KCNJ6: variants seen among roughly 807,000 people sequenced by gnomAD.
KCNJ6 encodes potassium inwardly rectifying channel subfamily J member 6.
Under a neutral mutation model 34.2 loss-of-function variants are expected in KCNJ6, and 9 were observed. That is an observed-to-expected ratio of 0.26 (90% CI 0.16 to 0.46). The LOEUF (loss-of-function observed/expected upper bound fraction) is 0.46. Ranked by LOEUF, KCNJ6 falls within the 20% of genes least tolerant of loss-of-function variation. The pLI is 1.00. For synonymous variants in KCNJ6, 196 were observed against 207.1 expected, an observed-to-expected ratio of 0.95 and a Z score of 0.46; for missense variants, 236 against 531.3, an observed-to-expected ratio of 0.44 and a Z score of 5.46.
chr21:37,729,326 C>T (rs922018719), intron 2 of KCNJ6, among the ~76,000 whole-genome samples: 20 of 118,360 alleles, frequency 1.7e-4, no homozygotes. Context: ...CCTGATTCTT[C>T]TTCTTTTTGG....
At chr21:37,636,746 A>G (rs1420837774) in intron 3 of KCNJ6, among the ~76,000 whole-genome samples, 1 of 152,234 alleles carries the variant, frequency 6.6e-6, no homozygotes, top group African/African-American at 2.4e-5. Flanking sequence ...GCAAAGCCCT[A>G]TTTTTAGATC....
At chr21:37,809,251 C>T (rs2055309195) in intron 2 of KCNJ6, among the ~76,000 whole-genome samples, 3 of 151,738 alleles carry the variant, frequency 2.0e-5, no homozygotes, top group Non-Finnish European at 2.9e-5. Context: ...TGGAAACCAT[C>T]ATTCTCAGCA....
intron 2 of KCNJ6, among the ~76,000 whole-genome samples, chr21:37,756,059 G>A (rs929272477): frequency 6.6e-6 from 1 of 152,208 alleles, no homozygotes; most frequent in Non-Finnish European, 1.5e-5. Flanking sequence ...GTGGATGGAT[G>A]GACGCTGACA....
At chr21:37,904,573 G>A (rs1264515143) in intron 1 of KCNJ6, among the ~76,000 whole-genome samples, 4 of 152,052 alleles carry the variant, frequency 2.6e-5, no homozygotes, top group Non-Finnish European at 1.5e-5. Context: ...TAAAGGTTAA[G>A]TTCCACATAA....
chr21:37,856,345 C>G (rs190343870), intron 1 of KCNJ6, among the ~76,000 whole-genome samples: 159 of 152,302 alleles, frequency 1.0e-3, no homozygotes, highest in African/African-American at 3.7e-3. Context: ...GCTCTTCCAC[C>G]AGGAAATCCT....
chr21:37,715,072 G>T lies in KCNJ6; in HGVS notation c.85C>A (p.Gln29Lys), dbSNP rs1264348650. 1.9e-6 allele frequency: 3 copies of T among 1,614,100 alleles called. No homozygotes were observed. Among genetic ancestry groups the T allele is most frequent in the African/African-American group, 2.7e-5 (2 of 74,954 alleles). ...CTGGCCTGCTTAGGCAACTTTGGCTGGTGAATGGCCACTGGGCTTTCGACG... is the reference window on the plus strand; with the variant it reads ...CTGGCCTGCTTAGGCAACTTTGGCTTGTGAATGGCCACTGGGCTTTCGACG... The part of the protein sequence containing the change: ...QDVESPVAIH[Q>K]PKLPKQARDD... The change falls in exon 3 of 4, where the codon CAG becomes AAG. Residue 29 changes from glutamine (Q) to lysine (K), a missense_variant. Transcript: ENST00000609713.
At chr21:37,848,985 T>C (rs1332572427) in intron 1 of KCNJ6, among the ~76,000 whole-genome samples, 3 of 152,196 alleles carry the variant, frequency 2.0e-5, no homozygotes, top group East Asian at 3.9e-4. Context: ...TCATTTCTCC[T>C]TTCCTAGAGC....
chr21:37,663,283 A>G (rs1334834421), intron 3 of KCNJ6, among the ~76,000 whole-genome samples: 3 of 152,128 alleles, frequency 2.0e-5, no homozygotes, highest in South Asian at 4.1e-4. Context: ...TGCTAGAAAA[A>G]ACATCTTTTA....
chr21:37,832,325 C>T (rs185888233), intron 2 of KCNJ6, among the ~76,000 whole-genome samples: 2 of 151,464 alleles, frequency 1.3e-5, no homozygotes, highest in African/African-American at 4.9e-5. Flanking sequence ...TAGCTTTTGT[C>T]CCGGGGGATA....
intron 3 of KCNJ6, among the ~76,000 whole-genome samples, chr21:37,681,563 C>T (rs1439711446): frequency 7.3e-6 from 1 of 137,292 alleles, no homozygotes; most frequent in African/African-American, 2.5e-5. Flanking sequence ...GGTGTATGCA[C>T]ATGCTTGTTG....
At chr21:37,642,489 C>T (rs1348125935) in intron 3 of KCNJ6, among the ~76,000 whole-genome samples, 10 of 152,116 alleles carry the variant, frequency 6.6e-5, no homozygotes, top group Non-Finnish European at 4.4e-5. Flanking sequence ...TGGATTCAAA[C>T]ATGGTGGTCA....
chr21:37,866,615 G>C (rs1408513919), intron 1 of KCNJ6, among the ~76,000 whole-genome samples: 1 of 116,440 alleles, frequency 8.6e-6, no homozygotes, highest in Non-Finnish European at 1.8e-5. Flanking sequence ...ACTGGCAACT[G>C]GGGAGAATGA....
At chr21:37,789,405 A>T (rs2055206686) in intron 2 of KCNJ6, among the ~76,000 whole-genome samples, 1 of 152,198 alleles carries the variant, frequency 6.6e-6, no homozygotes, top group African/African-American at 2.4e-5. Flanking sequence ...AGGCCATGTG[A>T]GCATGTAGCA....
chr21:37,907,020 T>C (rs1404703586), intron 1 of KCNJ6, among the ~76,000 whole-genome samples: 1 of 151,930 alleles, frequency 6.6e-6, no homozygotes, highest in Non-Finnish European at 1.5e-5. Flanking sequence ...TATATGTTAG[T>C]AGCACTATAT....
chr21:37,664,055 A>T (rs1261132339), intron 3 of KCNJ6, among the ~76,000 whole-genome samples: 1 of 152,258 alleles, frequency 6.6e-6, no homozygotes, highest in African/African-American at 2.4e-5. Context: ...AGTCAGTAGC[A>T]AAGAAGACTA....
intron 1 of KCNJ6, among the ~76,000 whole-genome samples, chr21:37,888,764 C>T (rs1004403912): frequency 7.9e-5 from 12 of 152,206 alleles, no homozygotes; most frequent in African/African-American, 2.7e-4. Flanking sequence ...CCAGAGAGCT[C>T]GTAAACCAGT....
intron 2 of KCNJ6, among the ~76,000 whole-genome samples, chr21:37,730,344 G>T (rs572068341): frequency 2.0e-5 from 3 of 152,158 alleles, no homozygotes; most frequent in South Asian, 4.1e-4. Context: ...GGTGGGCCTG[G>T]GTTGGAATCC....
At chr21:37,780,710 ATAAC>A (rs909136274) in intron 2 of KCNJ6, among the ~76,000 whole-genome samples, 1 of 152,220 alleles carries the variant, frequency 6.6e-6, no homozygotes, top group African/African-American at 2.4e-5. Context: ...ACATTTTAAA[ATAAC>A]TAAAAGACTA....
At chr21:37,640,010 T>C (rs1012124069) in intron 3 of KCNJ6, among the ~76,000 whole-genome samples, 4 of 152,240 alleles carry the variant, frequency 2.6e-5, no homozygotes, top group Admixed American at 2.6e-4. Flanking sequence ...CTTTTCTTTA[T>C]AGATTACCCA....
Sources: allele counts gnomAD v4.1 joint callset (sites outside exome capture counted in the v4.1 genomes callset), GRCh38; gene constraint gnomAD v4.1.1; transcripts MANE v1.5; gene names NCBI Gene and HGNC (gene_info 2026-07-23, HGNC 2026-07-21).